CCNB3: variants seen among roughly 807,000 people sequenced by gnomAD.
The protein encoded by CCNB3 is G2/mitotic-specific cyclin-B3.
A neutral mutation model predicts 68.0 loss-of-function variants in CCNB3; 12 were observed. The ratio of observed to expected loss-of-function variants is 0.18; its 90% CI spans 0.11 to 0.29. The LOEUF (loss-of-function observed/expected upper bound fraction) is 0.29, where lower values mean the gene tolerates loss of function less well. Ranked by LOEUF, CCNB3 falls within the 10% of genes least tolerant of loss-of-function variation. The probability of loss-of-function intolerance (pLI) is 1.00; values close to 1 mark genes in which losing one functional copy is unlikely to be tolerated. For synonymous variants in CCNB3, 354 were observed against 388.9 expected (o/e 0.91, Z 1.06); for missense variants, 904 against 993.1 (o/e 0.91, Z 1.21).
At chrX:50,336,374 C>T (rs1223679507) in intron 8 of CCNB3, among the ~76,000 whole-genome samples, 1 of 112,142 alleles carries the variant, frequency 8.9e-6, no homozygotes, top group African/African-American at 3.2e-5. Flanking sequence ...CGGTGTTTCA[C>T]CTGGCCTGGC....
chrX:50,210,568 A>G (rs1294840979), intron 1 of CCNB3, among the ~76,000 whole-genome samples: 2 of 111,493 alleles, frequency 1.8e-5, no homozygotes, highest in African/African-American at 6.5e-5. Context: ...GTGCATCCCA[A>G]TGGGTTACTT....
At chrX:50,332,229 C>T (rs1375132272) in intron 8 of CCNB3, among the ~76,000 whole-genome samples, 1 of 111,104 alleles carries the variant, frequency 9.0e-6, no homozygotes, top group African/African-American at 3.3e-5. Flanking sequence ...GTCTTCAGTC[C>T]TTAATCTTAT....
intron 1 of CCNB3, among the ~76,000 whole-genome samples, chrX:50,279,514 T>G (rs1374752251): frequency 1.2e-5 from 1 of 83,668 alleles, no homozygotes; most frequent in East Asian, 3.5e-4. Context: ...AATGTATTTA[T>G]TCATATAAAG....
intron 8 of CCNB3, among the ~76,000 whole-genome samples, chrX:50,328,326 G>A (rs1053669277): frequency 4.4e-5 from 5 of 112,593 alleles, no homozygotes; most frequent in Non-Finnish European, 7.5e-5. Context: ...TCTGCAGGCT[G>A]TGTAAGCATG....
chrX:50,339,213 T>C (rs950738273), intron 8 of CCNB3, among the ~76,000 whole-genome samples: 2 of 112,411 alleles, frequency 1.8e-5, no homozygotes, highest in Non-Finnish European at 3.7e-5. Flanking sequence ...AGCTTGGTTT[T>C]ATGCATTTTG....
At chrX:50,323,392 G>C (rs1409481618) in intron 8 of CCNB3, among the ~76,000 whole-genome samples, 4 of 93,692 alleles carry the variant, frequency 4.3e-5, no homozygotes, top group African/African-American at 1.6e-4. Flanking sequence ...ACAGGAAGGG[G>C]AACATCACAC....
rs782304277 is a variant in CCNB3, at chrX:50,308,939, A to T, written c.770A>T (p.Glu257Val). Residue 257 changes from glutamate (E) to valine (V), a missense_variant, in exon 6 of 13, where the codon GAA (glutamate) becomes GTA (valine). By Grantham distance (121) the Glu-to-Val change is moderately radical (BLOSUM62 -2). This residue lies in a region of CCNB3 where 619 missense variants were observed against 609.8 expected (regional missense o/e 1.02). Coordinates refer to ENST00000376042, the MANE Select transcript of CCNB3 (RefSeq NM_033031.3). The part of the protein sequence containing the change: ...ESLAVQDVNM[E>V]EDSFFMESMS... Reference sequence around the variant, plus strand: ...TTGGCTGTGCAGGATGTCAATATGGAAGAGGATTCCTTCTTTATGGAGTCA... The same window carrying T: ...TTGGCTGTGCAGGATGTCAATATGGTAGAGGATTCCTTCTTTATGGAGTCA... 1.3e-5 allele frequency: 16 copies of T among 1,209,678 alleles called. No individual in the cohort carries two copies. In the South Asian group the frequency reaches 2.5e-4, roughly 19 times the overall value.
rs190721449 is a variant in CCNB3 at position 50,308,525 on chromosome X, C to A, written c.356C>A (p.Pro119Gln). Residue 119 changes from proline to glutamine, a missense_variant, in exon 6 of 13, where the codon CCA becomes CAA. Physicochemically the swap from Pro to Gln is moderately conservative, Grantham distance 76. Transcript: ENST00000376042. ...NLKWHKLEVT[P>Q]VVASTTVVPN... Reference sequence around the variant, plus strand: ...CACAGGCATAAGCTGGAAGTCACACCAGTAGTAGCCTCTACTACCGTGGTA... The same window carrying A: ...CACAGGCATAAGCTGGAAGTCACACAAGTAGTAGCCTCTACTACCGTGGTA... The A allele has an allele frequency of 2.1e-4, 250 of 1,197,554 alleles. No individual in the cohort carries two copies. The East Asian group carries it at 5.4e-3, about 26-fold the overall frequency.
At chrX:50,346,530 C>T (rs1237746840) in intron 9 of CCNB3, 122 bp from the exon 10 acceptor site, 1 of 725,634 alleles carries the variant, frequency 1.4e-6, no homozygotes. Flanking sequence ...AGCTGAGTCT[C>T]AGAGATACCC....
intron 8 of CCNB3, among the ~76,000 whole-genome samples, chrX:50,316,832 A>G (rs1170092400): frequency 8.9e-6 from 1 of 112,344 alleles, no homozygotes; most frequent in East Asian, 2.8e-4. Context: ...GATATATCAC[A>G]GTTTATCCAT....
At chrX:50,332,614 T>C (rs1055682748) in intron 8 of CCNB3, among the ~76,000 whole-genome samples, 1 of 111,373 alleles carries the variant, frequency 9.0e-6, no homozygotes, top group Admixed American at 9.5e-5. Flanking sequence ...GCAGGGGTTG[T>C]CCAGGCTTGG....
chrX:50,304,343 G>A (rs1446003876), intron 5 of CCNB3, among the ~76,000 whole-genome samples: 1 of 111,184 alleles, frequency 9.0e-6, no homozygotes, highest in African/African-American at 3.3e-5. Context: ...ATAAATTTTA[G>A]AATCAGCTTG....
rs781807458 is a variant in CCNB3, at chrX:50,333,998, AG to A, written c.3517-8202del. ...GTTCCATGCACTTGGAGGGTTAGAA[AG>A]GCATATCGAGAGTCAATGTAGATGT... On this transcript the variant is annotated intron_variant, in intron 8 of 12. Coordinates refer to ENST00000376042, the MANE Select transcript of CCNB3 (RefSeq NM_033031.3). Among the ~76,000 whole-genome samples, 7 of 112,164 alleles carry A rather than the reference AG, an allele frequency of 6.2e-5. No homozygotes were observed. In the South Asian group the frequency reaches 2.6e-3, roughly 42 times the overall value.
chrX:50,326,770 G>C (rs892049407), intron 8 of CCNB3, among the ~76,000 whole-genome samples: 6 of 111,421 alleles, frequency 5.4e-5, no homozygotes, highest in African/African-American at 1.6e-4. Context: ...GGAGCAAAAA[G>C]ATTGCATAAA....
At chrX:50,307,926 A>G (rs980862326) in intron 5 of CCNB3, among the ~76,000 whole-genome samples, 1 of 112,191 alleles carries the variant, frequency 8.9e-6, no homozygotes, top group Non-Finnish European at 1.9e-5. Flanking sequence ...CTCTAATTGA[A>G]TATACAATCC....
intron 5 of CCNB3, among the ~76,000 whole-genome samples, chrX:50,298,301 G>C (rs1396518484): frequency 3.6e-4 from 40 of 111,648 alleles, no homozygotes; most frequent in Non-Finnish European, 3.8e-4. Context: ...TTTGAGATAC[G>C]TCCCATCAAT....
intron 8 of CCNB3, among the ~76,000 whole-genome samples, chrX:50,323,295 C>T (rs1420315887): frequency 3.2e-4 from 35 of 110,474 alleles, no homozygotes; most frequent in African/African-American, 8.2e-4. Flanking sequence ...TGGAAACCAT[C>T]GTTCTCAGCA....
At chrX:50,301,785 G>T (rs1936643516) in intron 5 of CCNB3, among the ~76,000 whole-genome samples, 1 of 112,901 alleles carries the variant, frequency 8.9e-6, no homozygotes, top group South Asian at 3.6e-4. Flanking sequence ...GCTCCACCCA[G>T]TTCGAGCTTC....
chrX:50,225,302 G>A (rs1935735129), intron 1 of CCNB3, among the ~76,000 whole-genome samples: 1 of 111,212 alleles, frequency 9.0e-6, no homozygotes, highest in Admixed American at 9.7e-5. Context: ...CAGGTACAGA[G>A]AGTTTGGTAA....
Sources: allele counts gnomAD v4.1 joint callset (sites outside exome capture counted in the v4.1 genomes callset), GRCh38; gene constraint gnomAD v4.1.1; regional missense constraint gnomAD v4.1.1; transcripts MANE v1.5; gene names NCBI Gene and HGNC (gene_info 2026-07-23, HGNC 2026-07-21).